SPACA6: variants seen among roughly 807,000 people sequenced by gnomAD.
The protein encoded by SPACA6 is sperm acrosome associated 6.
For missense variants in SPACA6, 8 were observed against 2.8 expected, an observed-to-expected ratio of 2.88 and a Z score of -1.34; for synonymous variants, 6 against 1.5, an observed-to-expected ratio of 4.05 and a Z score of -2.21.
upstream of SPACA6, among the ~76,000 whole-genome samples, chr19:51,684,235 A>C (rs1272750587): frequency 6.6e-6 from 1 of 152,146 alleles, no homozygotes; most frequent in Non-Finnish European, 1.5e-5. Flanking sequence ...AGGTAGGAGG[A>C]GATGGCAGCT....
upstream of SPACA6, among the ~76,000 whole-genome samples, chr19:51,691,735 G>A (rs1220134555): frequency 6.7e-6 from 1 of 149,998 alleles, no homozygotes; most frequent in East Asian, 2.0e-4. Context: ...CAGGGGCAGC[G>A]AGAACCAGAC....
intron 2 of SPACA6, 79 bp downstream of exon 2, chr19:51,694,634 A>G: frequency 2.5e-6 from 1 of 399,204 alleles, no homozygotes; most frequent in Non-Finnish European, 4.4e-6. Context: ...GGCCCAGGGC[A>G]GAGGAAGGAG....
chr19:51,693,953 CAG>C (rs1486055003), intron 1 of SPACA6: 13 of 374,622 alleles, frequency 3.5e-5, no homozygotes, highest in African/African-American at 2.5e-4. Context: ...GATGGAGAGT[CAG>C]AGAGGGGAAG....
At chr19:51,698,395 C>T (rs1424165834) in intron 2 of SPACA6, among the ~76,000 whole-genome samples, 1 of 152,184 alleles carries the variant, frequency 6.6e-6, no homozygotes, top group Non-Finnish European at 1.5e-5. Flanking sequence ...TCCACTTATA[C>T]TCCCCTGGTG....
intron 2 of SPACA6, among the ~76,000 whole-genome samples, chr19:51,710,971 T>C (rs903342197): frequency 1.3e-5 from 2 of 152,130 alleles, no homozygotes; most frequent in Non-Finnish European, 2.9e-5. Context: ...TCCCAGCTAC[T>C]TGGGAGGCTG....
rs1181738231 is a variant in SPACA6, at chr19:51,704,312, C to A, written c.773C>A (p.Ser258Ter). 2.5e-6 allele frequency: 1 copy of A among 400,722 alleles called. No homozygotes were observed. The highest frequency in any genetic ancestry group is 4.4e-6 in the Non-Finnish European group (1 of 226,090). 24.8% of individuals were successfully genotyped at this position (400,722 alleles called of 1,614,324 possible). The change falls in exon 8 of 9, where the codon TCG becomes TAG. Residue 258 changes from serine (S) to a stop codon, truncating the protein, a stop_gained. Coordinates refer to ENST00000637797, the MANE Select transcript of SPACA6 (RefSeq NM_001316972.2). LOFTEE classifies it high-confidence loss of function. The stretch of plus-strand genomic sequence containing the variant: ...CGGGCGGAGACAGAGTTGCAGGCCT[C>A]GTTCCGGGAAGTGCTGCGCTGGGCG... ...PPRAETELQA[S>*]FREVLRWAPR...
intron 2 of SPACA6, among the ~76,000 whole-genome samples, chr19:51,711,059 G>A (rs1005629203): frequency 2.6e-5 from 4 of 152,134 alleles, no homozygotes; most frequent in East Asian, 1.9e-4. Flanking sequence ...CAGCCTGGGC[G>A]ACAGAGCAAG....
At chr19:51,692,473 G>A (rs921524234), upstream of SPACA6, 3 of 383,804 alleles carry the variant, frequency 7.8e-6, no homozygotes, top group Non-Finnish European at 1.0e-5. This position sits in a 1 kb window ranked among gnomAD's most constrained non-coding sequence, Gnocchi z 5.6. Flanking sequence ...TGGTGAGGAA[G>A]GGCCTAGACT....
upstream of SPACA6, among the ~76,000 whole-genome samples, chr19:51,688,909 G>C (rs981674986): frequency 1.4e-5 from 2 of 140,372 alleles, no homozygotes; most frequent in African/African-American, 5.3e-5. Context: ...GAGGGAGAGA[G>C]AGAGAGAGAG....
intron 2 of SPACA6, among the ~76,000 whole-genome samples, chr19:51,695,633 G>T (rs950980225): frequency 1.3e-5 from 2 of 152,204 alleles, no homozygotes; most frequent in African/African-American, 4.8e-5. Flanking sequence ...CTCTCCATGT[G>T]GGGGTGTGCA....
At chr19:51,707,883 G>A (rs965214054), downstream of SPACA6, among the ~76,000 whole-genome samples, 6 of 152,226 alleles carry the variant, frequency 3.9e-5, no homozygotes, top group Admixed American at 1.3e-4. Context: ...GAGGTAGATA[G>A]GGTGAGGTCC....
chr19:51,709,504 C>G (rs1172358070), downstream of SPACA6, among the ~76,000 whole-genome samples: 1 of 108,002 alleles, frequency 9.3e-6, no homozygotes, highest in Non-Finnish European at 1.7e-5. Flanking sequence ...GCAAAAAGAG[C>G]GAAACTGCAT....
At position 51,704,107 on chromosome 19, in the gene SPACA6, G is replaced by A. The variant is rs10420233; in HGVS notation, c.651G>A (p.Gln217=). The A allele has an allele frequency of 2.5e-5, 10 of 401,106 alleles. No individual in the cohort carries two copies. In the South Asian group the frequency reaches 1.0e-3, roughly 40 times the overall value. The allele number at this position is 401,106 out of a possible 1,614,324, so 24.8% of individuals were successfully genotyped here. ...ACCTGGCGCGGATCCGGCCGGCTCAGCTCACGCACCGCGGGACGTTCTCCT... is the reference window on the plus strand; with the variant it reads ...ACCTGGCGCGGATCCGGCCGGCTCAACTCACGCACCGCGGGACGTTCTCCT... ...EGYLARIRPA[Q]LTHRGTFSCV... The change falls in exon 7 of 9, where the codon CAG becomes CAA. Residue 217 remains glutamine (Q), a synonymous_variant. Coordinates refer to ENST00000637797, the MANE Select transcript of SPACA6 (RefSeq NM_001316972.2).
chr19:51,695,049 C>T (rs369448525), intron 2 of SPACA6, among the ~76,000 whole-genome samples: 35 of 152,194 alleles, frequency 2.3e-4, no homozygotes, highest in African/African-American at 7.7e-4. Context: ...CACACAGACA[C>T]GCTCAGAGAC....
upstream of SPACA6, among the ~76,000 whole-genome samples, chr19:51,691,806 G>A (rs1258231669): frequency 6.6e-6 from 1 of 151,764 alleles, no homozygotes; most frequent in African/African-American, 2.4e-5. Flanking sequence ...AGAGCCCAGG[G>A]GTGGGGAGGG....
chr19:51,691,497 AAGGTAG>A (rs1052720992), upstream of SPACA6, among the ~76,000 whole-genome samples: 5 of 151,022 alleles, frequency 3.3e-5, no homozygotes, highest in Non-Finnish European at 4.4e-5. Context: ...TGAAAGACAG[AAGGTAG>A]AGGAAAAGCA....
At chr19:51,711,197 T>C (rs1038626168) in intron 2 of SPACA6, among the ~76,000 whole-genome samples, 4 of 152,210 alleles carry the variant, frequency 2.6e-5, no homozygotes, top group Non-Finnish European at 5.9e-5. Context: ...TTTAGCAACG[T>C]GGATATCATT....
chr19:51,689,957 G>T (rs73934279), upstream of SPACA6, among the ~76,000 whole-genome samples: 78,684 of 144,966 alleles, frequency 0.54, 21,433 homozygotes, highest in East Asian at 0.72. Flanking sequence ...TGGAGGGGAG[G>T]GGGAGGCGCA....
downstream of SPACA6, among the ~76,000 whole-genome samples, chr19:51,708,943 G>A (rs752177913): frequency 2.1e-4 from 32 of 152,088 alleles, no homozygotes; most frequent in Non-Finnish European, 2.9e-4. Context: ...GAGGACAGCC[G>A]GGAGGACATC....
Sources: allele counts gnomAD v4.1 joint callset (sites outside exome capture counted in the v4.1 genomes callset), GRCh38; gene constraint gnomAD v4.1.1; non-coding constraint Gnocchi (gnomAD v3.1); transcripts MANE v1.5; gene names NCBI Gene and HGNC (gene_info 2026-07-23, HGNC 2026-07-21).